Variants in DLC1 observed in about 807,000 individuals in gnomAD.
The protein encoded by DLC1 is DLC1 Rho GTPase activating protein, also known as rho GTPase-activating protein 7.
A neutral mutation model predicts 140.3 loss-of-function variants in DLC1; 54 were observed. The observed-to-expected ratio is 0.38, with a 90% CI of 0.31 to 0.48. DLC1 has a LOEUF of 0.48. Ranked by LOEUF, DLC1 falls within the 20% of genes least tolerant of loss-of-function variation. The probability of loss-of-function intolerance (pLI) is 0.96; values close to 1 mark genes in which losing one functional copy is unlikely to be tolerated. For missense variants in DLC1, 2,536 were observed against 1,907.0 expected (o/e 1.33, Z -6.14); for synonymous variants, 986 against 728.1 (o/e 1.35, Z -5.70).
intron 5 of DLC1, among the ~76,000 whole-genome samples, chr8:13,289,081 C>G (rs1053200155): frequency 6.6e-5 from 10 of 152,136 alleles, no homozygotes; most frequent in African/African-American, 2.4e-4. Context: ...TGACCTGTTC[C>G]TTTTTCCTAA....
At chr8:13,415,190 A>G (rs549008829) in intron 2 of DLC1, among the ~76,000 whole-genome samples, 22 of 152,138 alleles carry the variant, frequency 1.4e-4, no homozygotes, top group African/African-American at 5.3e-4. Flanking sequence ...CACTTTAGTG[A>G]TTTTATTTAG....
At chr8:13,119,767 T>C (rs1585682047) in intron 5 of DLC1, among the ~76,000 whole-genome samples, 1 of 151,930 alleles carries the variant, frequency 6.6e-6, no homozygotes, top group Non-Finnish European at 1.5e-5. Context: ...CTCTGGGCAA[T>C]AATTGCGAGA....
intron 1 of DLC1, among the ~76,000 whole-genome samples, chr8:13,593,188 G>C (rs1173351377): frequency 3.3e-5 from 5 of 152,086 alleles, no homozygotes; most frequent in Non-Finnish European, 7.4e-5. Flanking sequence ...AGGCCAAGAG[G>C]TGTTGTGGAG....
In DLC1 at chr8:13,095,285, T is replaced by C. The variant is rs758065841; in HGVS notation, c.3168-40A>G. ...AGAGATGGTGGTGTTGGCGGAGACA[T>C]GCTCACTTGTCTGTCTACACTTGTC... On this transcript the variant is annotated intron_variant, in intron 10 of 17. Transcript: ENST00000276297. 9 of 1,612,672 alleles carry C rather than the reference T, an allele frequency of 5.6e-6. No individual in the cohort carries two copies. In the African/African-American group the frequency reaches 6.7e-5, roughly 12 times the overall value.
chr8:13,575,572 G>A (rs2117425973), intron 1 of DLC1, among the ~76,000 whole-genome samples: 1 of 152,156 alleles, frequency 6.6e-6, no homozygotes, highest in East Asian at 1.9e-4. Context: ...GGGCTTGAAA[G>A]CCTTCAGCTG....
At chr8:13,597,624 G>T (rs969590165) in intron 1 of DLC1, among the ~76,000 whole-genome samples, 1 of 151,960 alleles carries the variant, frequency 6.6e-6, no homozygotes, top group African/African-American at 2.4e-5. Context: ...TATCATGGAG[G>T]ATAAATGCTT....
chr8:13,194,745 T>C (rs537974684), intron 5 of DLC1, among the ~76,000 whole-genome samples: 9 of 152,326 alleles, frequency 5.9e-5, no homozygotes, highest in South Asian at 4.1e-4. Flanking sequence ...TGGAGGCTCA[T>C]GCCTATAATC....
At chr8:13,536,471 A>G (rs1393116152) in intron 1 of DLC1, among the ~76,000 whole-genome samples, 1 of 152,198 alleles carries the variant, frequency 6.6e-6, no homozygotes, top group Non-Finnish European at 1.5e-5. Context: ...AAGTCATAAG[A>G]AACAAGCTTC....
intron 10 of DLC1, chr8:13,095,522 T>C (rs1818437184): frequency 1.1e-5 from 4 of 377,942 alleles, no homozygotes; most frequent in Non-Finnish European, 1.9e-5. Context: ...ACAGTGCTGT[T>C]CTAGATCTTC....
Position 13,432,793 on chromosome 8 carries a change from C to T in DLC1, c.1024-31174G>A, listed in dbSNP as rs1394601990. On this transcript the variant is annotated intron_variant, in intron 2 of 17. Transcript: ENST00000276297. ...AAGACAGAGTCACATGAAGTCTACTCAGGAGGTGAGAAAATGAAGACAGTG... is the reference window on the plus strand; with the variant it reads ...AAGACAGAGTCACATGAAGTCTACTTAGGAGGTGAGAAAATGAAGACAGTG... Among the ~76,000 whole-genome samples, 5 of 152,096 alleles carry T rather than the reference C, an allele frequency of 3.3e-5. No homozygotes were observed. The East Asian group carries it at 5.8e-4, about 18-fold the overall frequency.
rs757039402 is a variant in DLC1 at position 13,349,260 on chromosome 8, G to A, written c.1315-43958C>T. On this transcript the variant is annotated intron_variant, in intron 4 of 17. Coordinates refer to ENST00000276297, the MANE Select transcript of DLC1 (RefSeq NM_182643.3). Reference sequence around the variant, plus strand: ...TGATGAAGACCTTTTGAAGACCATCGTTATATGTTAATAGGAATGGAGGGT... The same window carrying A: ...TGATGAAGACCTTTTGAAGACCATCATTATATGTTAATAGGAATGGAGGGT... Among the ~76,000 whole-genome samples the A allele has an allele frequency of 7.9e-5, 12 of 152,148 alleles. 1 individual carries two copies. Among genetic ancestry groups the A allele is most frequent in the East Asian group, 3.9e-4 (2 of 5,158 alleles).
intron 2 of DLC1, among the ~76,000 whole-genome samples, chr8:13,408,780 C>T (rs1220194993): frequency 6.6e-6 from 1 of 152,086 alleles, no homozygotes; most frequent in Non-Finnish European, 1.5e-5. Context: ...TCTGCCAATT[C>T]CTGTGACTCT....
chr8:13,177,696 C>T (rs750714021), intron 5 of DLC1, among the ~76,000 whole-genome samples: 3 of 152,088 alleles, frequency 2.0e-5, no homozygotes, highest in Non-Finnish European at 4.4e-5. Flanking sequence ...TTCATTTTTG[C>T]TTTTTTATAT....
intron 4 of DLC1, among the ~76,000 whole-genome samples, chr8:13,372,888 G>A (rs1399044424): frequency 1.3e-5 from 2 of 151,990 alleles, no homozygotes; most frequent in African/African-American, 2.4e-5. Context: ...TCCTAATAAG[G>A]CAACAGATTT....
At chr8:13,348,713 A>G (rs974138779) in intron 4 of DLC1, among the ~76,000 whole-genome samples, 1 of 152,200 alleles carries the variant, frequency 6.6e-6, no homozygotes, top group South Asian at 2.1e-4. Context: ...GAAGGAAGAA[A>G]GAAAGAAAAT....
intron 4 of DLC1, among the ~76,000 whole-genome samples, chr8:13,312,212 T>A (rs998369782): frequency 1.5e-5 from 2 of 137,614 alleles, no homozygotes; most frequent in South Asian, 2.6e-4. Flanking sequence ...ATACAAAAAA[T>A]TAGCCGGGCG....
At chr8:13,542,791 G>A (rs981271358) in intron 1 of DLC1, among the ~76,000 whole-genome samples, 5 of 151,972 alleles carry the variant, frequency 3.3e-5, no homozygotes, top group East Asian at 1.9e-4. Flanking sequence ...GTAGAAATAC[G>A]AATTGAGTTT....
At chr8:13,434,470 A>ATGTGTG (rs147794589) in intron 2 of DLC1, among the ~76,000 whole-genome samples, 1 of 150,390 alleles carries the variant, frequency 6.6e-6, no homozygotes, top group Non-Finnish European at 1.5e-5. Context: ...AGTATTGAGA[A>ATGTGTG]TGTGTGTGTG....
Position 13,530,186 on chromosome 8 carries a change from A to T in DLC1, c.-125-29990T>A, listed in dbSNP as rs575185988. On this transcript the variant is annotated intron_variant, in intron 1 of 1. Coordinates refer to the DLC1 transcript ENST00000631382. ...AGGGATGCTTTGCAACCTTCTCTGT[A>T]GTTGACCAGTGTATTACTTTTCTCT... is the stretch of plus-strand genomic sequence containing the variant. 2.6e-5 allele frequency among the ~76,000 whole-genome samples: 4 copies of T among 152,306 alleles called. No individual in the cohort carries two copies. The East Asian group carries it at 7.7e-4, about 29-fold the overall frequency.
Sources: gnomAD v4.1 joint callset for allele counts (sites outside exome capture counted in the v4.1 genomes callset) on GRCh38, gnomAD v4.1.1 for gene constraint, MANE v1.5 for transcripts, NCBI Gene and HGNC (gene_info 2026-07-23, HGNC 2026-07-21) for gene names.